The following PLCB1 variants were observed in gnomAD, a reference collection of about 807,000 sequenced individuals.
PLCB1 encodes 1-phosphatidylinositol 4,5-bisphosphate phosphodiesterase beta-1.
Under a neutral mutation model 161.8 loss-of-function variants are expected in PLCB1, and 46 were observed. The observed-to-expected ratio is 0.28, with a 90% CI of 0.22 to 0.36. PLCB1 has a LOEUF of 0.36. PLCB1 is among the 10% of genes least tolerant of loss of function. The pLI, the probability that PLCB1 is intolerant of heterozygous loss-of-function variation, is 1.00. For missense variants in PLCB1, 1,016 were observed against 1,472.5 expected (o/e 0.69, Z 5.07); for synonymous variants, 517 against 503.7 (o/e 1.03, Z -0.35).
At chr20:8,218,414 G>A (rs1222011838) in intron 2 of PLCB1, among the ~76,000 whole-genome samples, 2 of 152,052 alleles carry the variant, frequency 1.3e-5, no homozygotes, top group African/African-American at 4.8e-5. Context: ...AGAAGCATTA[G>A]TACACAGAAA....
chr20:8,617,675 A>G (rs894710360), intron 3 of PLCB1, among the ~76,000 whole-genome samples: 1 of 152,314 alleles, frequency 6.6e-6, no homozygotes, highest in East Asian at 1.9e-4. Context: ...TTCATGGCCC[A>G]ATGTAATCTG....
intron 2 of PLCB1, among the ~76,000 whole-genome samples, chr20:8,255,454 A>G (rs1184813261): frequency 6.6e-6 from 1 of 152,100 alleles, no homozygotes; most frequent in African/African-American, 2.4e-5. Context: ...AAGATTTTTA[A>G]AGAATGTTAT....
At chr20:8,549,300 G>T (rs1027122146) in intron 3 of PLCB1, among the ~76,000 whole-genome samples, 3 of 152,144 alleles carry the variant, frequency 2.0e-5, no homozygotes, top group Non-Finnish European at 4.4e-5. Flanking sequence ...CCTAGTGCTT[G>T]CTTTTAACTA....
At chr20:8,715,916 G>C in intron 12 of PLCB1, 1 of 226,142 alleles carries the variant, frequency 4.4e-6, no homozygotes, top group South Asian at 1.3e-4. Context: ...CTTTCTCCAA[G>C]TGTCTTGCAA....
chr20:8,644,136 G>C (rs1038322125), intron 4 of PLCB1, among the ~76,000 whole-genome samples: 9 of 152,106 alleles, frequency 5.9e-5, no homozygotes, highest in African/African-American at 1.4e-4. Flanking sequence ...GCGTGATCTC[G>C]GCTCGCTACA....
chr20:8,738,515 G>T (rs1339526209), intron 20 of PLCB1, among the ~76,000 whole-genome samples: 1 of 151,760 alleles, frequency 6.6e-6, no homozygotes, highest in Non-Finnish European at 1.5e-5. Flanking sequence ...CCTGCACATT[G>T]TGCACATGTA....
intron 2 of PLCB1, among the ~76,000 whole-genome samples, chr20:8,271,477 G>A (rs1279425949): frequency 6.6e-6 from 1 of 151,984 alleles, no homozygotes; most frequent in Non-Finnish European, 1.5e-5. Context: ...TTATTTTATG[G>A]AAAACCATTT....
At chr20:8,540,952 A>G (rs993946533) in intron 3 of PLCB1, among the ~76,000 whole-genome samples, 3 of 152,130 alleles carry the variant, frequency 2.0e-5, no homozygotes, top group African/African-American at 7.2e-5. Context: ...AATGAGGCAT[A>G]TCATTATTAT....
chr20:8,741,562 G>A lies in PLCB1; in HGVS notation c.2512G>A (p.Val838Ile), dbSNP rs144264179. The A allele has an allele frequency of 1.2e-6, 2 of 1,608,964 alleles. No individual in the cohort carries two copies. Among genetic ancestry groups the A allele is most frequent in the African/African-American group, 2.7e-5 (2 of 74,964 alleles). ...AALTLEDEEE[V>I]KKEADPGETP... is the part of the protein sequence containing the mutation. ...TTTGACACTGGAAGATGAAGAAGAA[G>A]TAAAGAAAGAGGTGAGAGGGTGTTT... Residue 838 changes from valine to isoleucine, a missense_variant, in exon 23 of 32, where the codon GTA becomes ATA. Val to Ile is a conservative substitution (Grantham distance 29). Transcript: ENST00000338037.
chr20:8,440,251 C>T (rs569858413), intron 3 of PLCB1, among the ~76,000 whole-genome samples: 5 of 152,248 alleles, frequency 3.3e-5, no homozygotes, highest in Admixed American at 3.3e-4. Flanking sequence ...AAAATCATTT[C>T]AGTATTATTA....
chr20:8,477,196 A>G (rs942280096), intron 3 of PLCB1, among the ~76,000 whole-genome samples: 3 of 152,182 alleles, frequency 2.0e-5, no homozygotes, highest in African/African-American at 7.2e-5. Flanking sequence ...GATCTACTGA[A>G]GTACAGCTTG....
chr20:8,579,412 G>C (rs1335238953), intron 3 of PLCB1, among the ~76,000 whole-genome samples: 1 of 152,164 alleles, frequency 6.6e-6, no homozygotes, highest in Non-Finnish European at 1.5e-5. Flanking sequence ...GCTCAGTCAA[G>C]GCAAGCACGA....
At chr20:8,506,962 T>TA (rs1983660018) in intron 3 of PLCB1, among the ~76,000 whole-genome samples, 1 of 152,182 alleles carries the variant, frequency 6.6e-6, no homozygotes, top group Non-Finnish European at 1.5e-5. Context: ...AATCCACTTA[T>TA]AACTCTTGAC....
At chr20:8,669,726 T>G (rs542776900) in intron 9 of PLCB1, among the ~76,000 whole-genome samples, 1 of 152,320 alleles carries the variant, frequency 6.6e-6, no homozygotes, top group Admixed American at 6.5e-5. Flanking sequence ...CTGTGCTTTA[T>G]GCTGCAGAGC....
At chr20:8,207,917 G>T (rs530328911) in intron 2 of PLCB1, among the ~76,000 whole-genome samples, 9 of 152,136 alleles carry the variant, frequency 5.9e-5, no homozygotes, top group African/African-American at 2.2e-4. Context: ...TTCTCCTCCT[G>T]CAGCTTTTAA....
In PLCB1 at chr20:8,523,465, GCT is replaced by G. The variant is rs1174973173; in HGVS notation, c.247-104798_247-104797del. ...ACGACAACAAATATATATATATTTG[GCT>G]CTCTCTCTCTCTCTCTCTCTCTCTC... On this transcript the variant is annotated intron_variant, in intron 3 of 31. Transcript: ENST00000338037. 1.5e-3 allele frequency among the ~76,000 whole-genome samples: 73 copies of G among 48,798 alleles called. 1 individual carries two copies. Among genetic ancestry groups the G allele is most frequent in the Middle Eastern group, 0.013 (1 of 78 alleles). The allele number at this position is 48,798 out of a possible 152,430, so 32.0% of individuals were successfully genotyped here. A position where few individuals can be genotyped will look rare whatever the true frequency, so the allele number is the denominator to read the frequency against.
chr20:8,864,330 GT>G (rs1246881707), intron 31 of PLCB1, among the ~76,000 whole-genome samples: 1 of 152,144 alleles, frequency 6.6e-6, no homozygotes, highest in Non-Finnish European at 1.5e-5. Flanking sequence ...ACATTTGTAT[GT>G]TGCATATAAT....
At chr20:8,782,045 G>GA (rs540717824) in intron 27 of PLCB1, among the ~76,000 whole-genome samples, 2 of 151,672 alleles carry the variant, frequency 1.3e-5, no homozygotes, top group South Asian at 2.1e-4. Context: ...GCTCAGCAAG[G>GA]AAAAAAAATT....
chr20:8,665,710 A>C (rs924800589), intron 9 of PLCB1, among the ~76,000 whole-genome samples: 3 of 152,176 alleles, frequency 2.0e-5, no homozygotes, highest in Non-Finnish European at 4.4e-5. Flanking sequence ...TTTTTGAATC[A>C]TATTTTTCCA....
Sources: gnomAD v4.1 joint callset for allele counts (sites outside exome capture counted in the v4.1 genomes callset) on GRCh38, gnomAD v4.1.1 for gene constraint, MANE v1.5 for transcripts, NCBI Gene and HGNC (gene_info 2026-07-23, HGNC 2026-07-21) for gene names.